YME1L1: variants seen among roughly 807,000 people sequenced by gnomAD.
YME1L1 encodes the protein YME1 like 1 ATPase.
YME1L1 carries 39 observed loss-of-function variants against 90.4 expected under a neutral mutation model. That is an observed-to-expected ratio of 0.43 (90% CI 0.33 to 0.56). The LOEUF (loss-of-function observed/expected upper bound fraction) is 0.56. Among genes scored for constraint, YME1L1 ranks in the 20% least tolerant of loss-of-function variants. The probability of loss-of-function intolerance (pLI) is 0.03; values close to 1 mark genes in which losing one functional copy is unlikely to be tolerated. For synonymous variants in YME1L1, 284 were observed against 287.3 expected (o/e 0.99, Z 0.12); for missense variants, 617 against 868.4 (o/e 0.71, Z 3.64).
chr10:27,140,103 G>T (rs532600467), intron 4 of YME1L1, among the ~76,000 whole-genome samples: 1 of 152,034 alleles, frequency 6.6e-6, no homozygotes, highest in African/African-American at 2.4e-5. Context: ...AGGTTCAAGC[G>T]ATTATCCTGC....
chr10:27,153,889 G>A (rs2057269562), intron 1 of YME1L1, among the ~76,000 whole-genome samples: 1 of 152,126 alleles, frequency 6.6e-6, no homozygotes, highest in Non-Finnish European at 1.5e-5. Context: ...GAACAATGCC[G>A]GACGGATTCT....
At chr10:27,121,344 G>GCAT (rs758504061) in intron 12 of YME1L1, 42 bp downstream of exon 12, 2 of 1,376,112 alleles carry the variant, frequency 1.5e-6, no homozygotes. Flanking sequence ...CAATTTTGTA[G>GCAT]CATGTAACAG....
chr10:27,129,565 G>C (rs1464964957), intron 8 of YME1L1, among the ~76,000 whole-genome samples: 1 of 152,130 alleles, frequency 6.6e-6, no homozygotes, highest in Non-Finnish European at 1.5e-5. Context: ...CCCTCCTGCG[G>C]AAGAATTTCT....
At position 27,126,602 on chromosome 10, in the gene YME1L1, T is replaced by A; in HGVS notation, c.949+94A>T. The A allele has an allele frequency of 7.9e-6, 5 of 629,190 alleles. No individual in the cohort carries two copies. In the Admixed American group the frequency reaches 1.9e-4, roughly 23 times the overall value. 39.0% of individuals were successfully genotyped at this position (629,190 alleles called of 1,614,324 possible). A position where few individuals can be genotyped will look rare whatever the true frequency, so the allele number is the denominator to read the frequency against. On this transcript the variant is annotated intron_variant, in intron 9 of 18. Transcript: ENST00000376016. ...ATAGCAATTAAGACTTAAACTTTAA[T>A]CAGTTAAAATTAAATAAGTAATATA...
intron 4 of YME1L1, among the ~76,000 whole-genome samples, chr10:27,138,188 G>C (rs1489750066): frequency 6.6e-6 from 1 of 151,908 alleles, no homozygotes; most frequent in Non-Finnish European, 1.5e-5. Flanking sequence ...GTCAGCACTA[G>C]GTTAAATTTT....
intron 8 of YME1L1, among the ~76,000 whole-genome samples, chr10:27,131,343 T>C (rs1198099709): frequency 6.8e-6 from 1 of 147,936 alleles, no homozygotes; most frequent in Non-Finnish European, 1.5e-5. Flanking sequence ...GCAGCTAAAA[T>C]AGGGCCTAGC....
At position 27,147,680 on chromosome 10, in the gene YME1L1, G is replaced by A. The variant is rs748815989; in HGVS notation, c.168+1226C>T. On this transcript the variant is annotated intron_variant, in intron 2 of 18. Transcript: ENST00000376016. ...TCACTGAACATACACTGTAGGAAGAGAGGTTTTGATTCCTGGTTGTGGTAT... is the reference window on the plus strand; with the variant it reads ...TCACTGAACATACACTGTAGGAAGAAAGGTTTTGATTCCTGGTTGTGGTAT... 7.7e-6 allele frequency: 12 copies of A among 1,551,092 alleles called. No individual in the cohort carries two copies. Among genetic ancestry groups the A allele is most frequent in the Non-Finnish European group, 2.6e-6 (3 of 1,146,554 alleles).
intron 8 of YME1L1, among the ~76,000 whole-genome samples, chr10:27,130,598 G>A (rs2056965814): frequency 6.6e-6 from 1 of 152,166 alleles, no homozygotes; most frequent in South Asian, 2.1e-4. Context: ...CGTGGCTCAC[G>A]CCTGTAATCC....
chr10:27,143,224 C>T (rs2057107858), intron 3 of YME1L1, among the ~76,000 whole-genome samples: 2 of 151,752 alleles, frequency 1.3e-5, no homozygotes, highest in Middle Eastern at 3.4e-3. Context: ...ACAAAATTAG[C>T]CGGGTGTGGT....
chr10:27,137,446 T>C (rs6482598), intron 4 of YME1L1, among the ~76,000 whole-genome samples: 128,361 of 152,230 alleles, frequency 0.84, 54,396 homozygotes, highest in East Asian at 0.99. Context: ...CATTCTTATA[T>C]ATGTATGTCA....
chr10:27,126,922 G>T, intron 8 of YME1L1, 136 bp from the exon 9 acceptor site: 1 of 581,570 alleles, frequency 1.7e-6, no homozygotes, highest in South Asian at 2.3e-5. Context: ...AGTAAAAAAA[G>T]CATACAAAAA....
chr10:27,123,717 C>T lies in YME1L1; in HGVS notation c.950-18G>A, dbSNP rs373105974. 2.3e-5 allele frequency: 36 copies of T among 1,580,368 alleles called. No individual in the cohort carries two copies. The highest frequency in any genetic ancestry group is 2.7e-5 in the Non-Finnish European group (31 of 1,168,148). On this transcript the variant is annotated intron_variant, in intron 9 of 18. Coordinates refer to ENST00000376016, the MANE Select transcript of YME1L1 (RefSeq NM_014263.4). ...AAGAATTCCTAAAAGAAAATGAAAACGAGAATGATTCAAAGTATTTTTAAA... is the reference window on the plus strand; with the variant it reads ...AAGAATTCCTAAAAGAAAATGAAAATGAGAATGATTCAAAGTATTTTTAAA...
chr10:27,123,425 TG>T, intron 10 of YME1L1, 121 bp downstream of exon 10: 1 of 1,142,030 alleles, frequency 8.8e-7, no homozygotes. Context: ...CATGCAAAGC[TG>T]GAGGCCCCAA....
chr10:27,147,424 A>C (rs1236580534), intron 2 of YME1L1: 1 of 1,612,766 alleles, frequency 6.2e-7, no homozygotes, highest in African/African-American at 1.3e-5. Flanking sequence ...CAAGAACCTG[A>C]ACTAAGCCGT....
At chr10:27,147,374 C>T in intron 2 of YME1L1, 1 of 1,534,638 alleles carries the variant, frequency 6.5e-7, no homozygotes, top group Non-Finnish European at 9.0e-7. Context: ...AGAAACTAGA[C>T]TGGATGAGAG....
At chr10:27,115,205 A>G (rs2056800311) in intron 17 of YME1L1, among the ~76,000 whole-genome samples, 2 of 152,266 alleles carry the variant, frequency 1.3e-5, no homozygotes, top group South Asian at 4.1e-4. Context: ...GTGAGCCAAC[A>G]TCACGCCACT....
At chr10:27,149,354 T>C (rs889294422) in intron 1 of YME1L1, among the ~76,000 whole-genome samples, 5 of 152,246 alleles carry the variant, frequency 3.3e-5, no homozygotes, top group South Asian at 2.1e-4. Flanking sequence ...ACAACTCTCA[T>C]CGAAACATTT....
chr10:27,121,284 T>C, intron 12 of YME1L1, 102 bp downstream of exon 12: 1 of 816,194 alleles, frequency 1.2e-6, no homozygotes, highest in East Asian at 2.6e-5. Context: ...TGCATATAAA[T>C]GGAATCATAC....
intron 8 of YME1L1, among the ~76,000 whole-genome samples, chr10:27,130,795 C>A (rs1299728178): frequency 1.3e-5 from 2 of 152,204 alleles, no homozygotes; most frequent in Non-Finnish European, 2.9e-5. Context: ...GGAGGTTGCA[C>A]TGAGCCGAGA....
Sources: gnomAD v4.1 joint callset for allele counts (sites outside exome capture counted in the v4.1 genomes callset) on GRCh38, gnomAD v4.1.1 for gene constraint, MANE v1.5 for transcripts, NCBI Gene and HGNC (gene_info 2026-07-23, HGNC 2026-07-21) for gene names.